The following ROCK2 variants were observed in gnomAD, a reference collection of about 807,000 sequenced individuals.
The protein encoded by ROCK2 is rho-associated protein kinase 2.
ROCK2 carries 61 observed loss-of-function variants against 195.1 expected under a neutral mutation model. That is an observed-to-expected ratio of 0.31 (90% CI 0.25 to 0.39). The LOEUF is 0.39. ROCK2 is among the 10% of genes least tolerant of loss of function. The pLI is 1.00. For synonymous variants in ROCK2, 504 were observed against 545.5 expected, an observed-to-expected ratio of 0.92 and a Z score of 1.06; for missense variants, 1,109 against 1,637.4, an observed-to-expected ratio of 0.68 and a Z score of 5.57.
chr2:11,271,932 A>C (rs1017165261), intron 3 of ROCK2, among the ~76,000 whole-genome samples: 8 of 150,590 alleles, frequency 5.3e-5, no homozygotes, highest in Non-Finnish European at 8.9e-5. Context: ...AGGCAGGAGA[A>C]TGGCGTGAAC....
At chr2:11,195,239 C>A in intron 27 of ROCK2, 1 of 301,556 alleles carries the variant, frequency 3.3e-6, no homozygotes. Flanking sequence ...ATATTGGAAA[C>A]AGATAGTCTA....
At chr2:11,283,024 T>C (rs1320588945) in intron 3 of ROCK2, among the ~76,000 whole-genome samples, 1 of 152,244 alleles carries the variant, frequency 6.6e-6, no homozygotes, top group African/African-American at 2.4e-5. Flanking sequence ...CCCAGCACTT[T>C]AGGAGGCCAA....
intron 4 of ROCK2, among the ~76,000 whole-genome samples, chr2:11,243,822 TA>T: frequency 6.6e-6 from 1 of 152,268 alleles, no homozygotes; most frequent in Non-Finnish European, 1.5e-5. Flanking sequence ...AAAATCTAAA[TA>T]AAGACTTCAG....
At chr2:11,224,719 A>AG (rs200651073) in intron 6 of ROCK2, among the ~76,000 whole-genome samples, 328 of 149,894 alleles carry the variant, frequency 2.2e-3, no homozygotes, top group Middle Eastern at 7.0e-3. Flanking sequence ...GAATTTGTTG[A>AG]GTTTTTTTTT....
Position 11,194,388 on chromosome 2 carries a change from T to G in ROCK2, c.3520-44A>C, listed in dbSNP as rs753606831. On this transcript the variant is annotated intron_variant, in intron 28 of 32. Coordinates refer to ENST00000315872, the MANE Select transcript of ROCK2 (RefSeq NM_004850.5). ...AAGAAATCAGTAATTCAAGTTTTTA[T>G]ATACCTTATTTATTGATTTTTTTGA... 2.4e-5 allele frequency: 18 copies of G among 741,738 alleles called. 1 individual carries two copies. Among genetic ancestry groups the G allele is most frequent in the Non-Finnish European group, 3.2e-5 (15 of 467,628 alleles). The allele number at this position is 741,738 out of a possible 1,614,324, so 45.9% of individuals were successfully genotyped here.
rs534131052 is a variant in ROCK2 at position 11,296,564 on chromosome 2, C to T, written c.142-8828G>A. On this transcript the variant is annotated intron_variant, in intron 1 of 32. Coordinates refer to ENST00000315872, the MANE Select transcript of ROCK2 (RefSeq NM_004850.5). ...AACAATATCACTCAATAAATGTTAGCTATTATTACCACTATTTTCAATATC... is the reference window on the plus strand; with the variant it reads ...AACAATATCACTCAATAAATGTTAGTTATTATTACCACTATTTTCAATATC... 2.8e-4 allele frequency among the ~76,000 whole-genome samples: 43 copies of T among 152,166 alleles called. 1 individual carries two copies. The highest frequency in any genetic ancestry group is 6.2e-4 in the South Asian group (3 of 4,814).
chr2:11,190,781 A>G (rs1436132609), intron 32 of ROCK2, among the ~76,000 whole-genome samples: 4 of 152,220 alleles, frequency 2.6e-5, no homozygotes, highest in East Asian at 3.8e-4. Flanking sequence ...ACTACACACT[A>G]TAAGGTATTA....
chr2:11,186,883 T>C (rs1663218703), intron 32 of ROCK2, among the ~76,000 whole-genome samples: 1 of 152,204 alleles, frequency 6.6e-6, no homozygotes, highest in African/African-American at 2.4e-5. Context: ...CAGGCAGAAT[T>C]CTCCATGCTT....
intron 3 of ROCK2, among the ~76,000 whole-genome samples, chr2:11,269,940 G>C (rs1397306151): frequency 6.6e-6 from 1 of 152,162 alleles, no homozygotes; most frequent in East Asian, 1.9e-4. Context: ...TTCTCGTAGA[G>C]ATGGGGTCTC....
At chr2:11,263,611 A>AAAAAAAG (rs1310533424) in intron 3 of ROCK2, among the ~76,000 whole-genome samples, 20 of 150,442 alleles carry the variant, frequency 1.3e-4, no homozygotes, top group African/African-American at 4.6e-4. Context: ...TATTAAAAAA[A>AAAAAAAG]AAAAAGAAAT....
At chr2:11,268,540 G>GTGTA (rs1427318355) in intron 3 of ROCK2, among the ~76,000 whole-genome samples, 17 of 151,430 alleles carry the variant, frequency 1.1e-4, no homozygotes, top group African/African-American at 4.1e-4. Flanking sequence ...GTGTGTGTGT[G>GTGTA]TGTGTGTGTG....
chr2:11,317,661 A>G (rs1158954803), intron 1 of ROCK2, among the ~76,000 whole-genome samples: 1 of 128,082 alleles, frequency 7.8e-6, no homozygotes, highest in African/African-American at 3.0e-5. Flanking sequence ...ACATGTGCAC[A>G]ACGTGCAGGC....
At chr2:11,286,301 C>T (rs1253076870) in intron 3 of ROCK2, among the ~76,000 whole-genome samples, 4 of 145,192 alleles carry the variant, frequency 2.8e-5, no homozygotes, top group Non-Finnish European at 3.0e-5. Context: ...ATAGTAACTG[C>T]TAGGCAGATC....
intron 3 of ROCK2, among the ~76,000 whole-genome samples, chr2:11,267,336 T>A (rs1666453055): frequency 6.6e-6 from 1 of 152,216 alleles, no homozygotes; most frequent in Non-Finnish European, 1.5e-5. Flanking sequence ...GACTCACGCC[T>A]GTGGTCACCA....
chr2:11,341,527 G>A (rs1325568396), intron 1 of ROCK2, among the ~76,000 whole-genome samples: 1 of 152,106 alleles, frequency 6.6e-6, no homozygotes, highest in Non-Finnish European at 1.5e-5. Context: ...TTACCTTCTA[G>A]GCCTAGCCCA....
intron 7 of ROCK2, 66 bp downstream of exon 7, chr2:11,224,256 G>A: frequency 7.2e-7 from 1 of 1,395,430 alleles, no homozygotes; most frequent in Non-Finnish European, 9.9e-7. Context: ...AATAAGCTAG[G>A]CATGCTTTTA....
intron 27 of ROCK2, among the ~76,000 whole-genome samples, chr2:11,196,332 T>C (rs547554774): frequency 2.0e-5 from 3 of 152,322 alleles, no homozygotes; most frequent in Non-Finnish European, 4.4e-5. Context: ...AGCATATCCT[T>C]TGAATCAGTC....
At chr2:11,246,143 T>C (rs1262885750) in intron 4 of ROCK2, among the ~76,000 whole-genome samples, 1 of 152,160 alleles carries the variant, frequency 6.6e-6, no homozygotes, top group Non-Finnish European at 1.5e-5. Flanking sequence ...TTCTTATAGG[T>C]GGCCTATGAA....
chr2:11,206,546 A>C (rs1237621848), intron 20 of ROCK2, among the ~76,000 whole-genome samples: 5 of 152,218 alleles, frequency 3.3e-5, no homozygotes, highest in African/African-American at 1.2e-4. Context: ...AATCTCATGA[A>C]GTTGAAGGTC....
Sources: allele counts gnomAD v4.1 joint callset (sites outside exome capture counted in the v4.1 genomes callset), GRCh38; gene constraint gnomAD v4.1.1; transcripts MANE v1.5; gene names NCBI Gene and HGNC (gene_info 2026-07-23, HGNC 2026-07-21).